Variants in USP43 observed in about 807,000 individuals in gnomAD.
USP43 encodes the protein ubiquitin carboxyl-terminal hydrolase 43.
USP43 carries 33 observed loss-of-function variants against 90.7 expected under a neutral mutation model. The observed-to-expected ratio is 0.36, with a 90% CI of 0.28 to 0.49. The LOEUF (loss-of-function observed/expected upper bound fraction) is 0.49, where lower values mean the gene tolerates loss of function less well. Ranked by LOEUF, USP43 falls within the 20% of genes least tolerant of loss-of-function variation. The pLI is 0.98. For synonymous variants in USP43, 598 were observed against 615.8 expected, an observed-to-expected ratio of 0.97 and a Z score of 0.43; for missense variants, 1,274 against 1,476.4, an observed-to-expected ratio of 0.86 and a Z score of 2.25.
At chr17:9,672,560 AGT>A (rs1913509726) in intron 3 of USP43, among the ~76,000 whole-genome samples, 2 of 152,224 alleles carry the variant, frequency 1.3e-5, no homozygotes, top group African/African-American at 4.8e-5. Flanking sequence ...CAATGACCCA[AGT>A]ATATCCTTCA....
intron 9 of USP43, among the ~76,000 whole-genome samples, chr17:9,694,211 G>A (rs897738751): frequency 6.6e-6 from 1 of 152,182 alleles, no homozygotes; most frequent in African/African-American, 2.4e-5. Context: ...TGACTGAGAT[G>A]GGCCTTTCCC....
chr17:9,714,728 C>T (rs966556332), intron 14 of USP43, among the ~76,000 whole-genome samples: 1 of 150,376 alleles, frequency 6.6e-6, no homozygotes, highest in African/African-American at 2.5e-5. Flanking sequence ...AACCTGGGGG[C>T]TCTCCAACAT....
At chr17:9,676,666 CTG>C (rs1319916458) in intron 4 of USP43, 78 bp from the exon 5 acceptor site, 1 of 1,517,352 alleles carries the variant, frequency 6.6e-7, no homozygotes, top group Non-Finnish European at 8.9e-7. Context: ...GCCACTGCGC[CTG>C]GCCTTGATCC....
intron 14 of USP43, among the ~76,000 whole-genome samples, chr17:9,719,047 G>C (rs559066625): frequency 6.6e-6 from 1 of 152,212 alleles, no homozygotes; most frequent in East Asian, 1.9e-4. Context: ...AGAATCACTT[G>C]AACCCAGTAG....
Position 9,700,079 on chromosome 17 carries a change from A to G in USP43, c.1458-93A>G, listed in dbSNP as rs1187288622. On this transcript the variant is annotated intron_variant, in intron 9 of 14. Transcript: ENST00000285199. The stretch of plus-strand genomic sequence containing the variant: ...TTTGGGTATTTCTGTTTGGAACATC[A>G]GTCCTTGGGTTGTGGGGGAGACTGC... The G allele has an allele frequency of 8.3e-6, 10 of 1,198,398 alleles. No homozygotes were observed. The East Asian group carries it at 2.6e-4, about 31-fold the overall frequency. The allele number at this position is 1,198,398 out of a possible 1,614,324, so 74.2% of individuals were successfully genotyped here.
intron 9 of USP43, among the ~76,000 whole-genome samples, chr17:9,699,366 C>T (rs532655441): frequency 8.8e-4 from 134 of 152,338 alleles, no homozygotes; most frequent in Non-Finnish European, 1.5e-3. Flanking sequence ...TCCTGGCTCA[C>T]GCAGGAAGGT....
At chr17:9,652,329 G>C (rs1249875049) in intron 1 of USP43, among the ~76,000 whole-genome samples, 1 of 151,234 alleles carries the variant, frequency 6.6e-6, no homozygotes, top group Non-Finnish European at 1.5e-5. Flanking sequence ...GCTTTGTGCA[G>C]TTCTAGTTAT....
chr17:9,671,382 G>A (rs901346742), intron 3 of USP43, among the ~76,000 whole-genome samples: 3 of 152,118 alleles, frequency 2.0e-5, no homozygotes, highest in East Asian at 1.9e-4. Flanking sequence ...AACAGATCTT[G>A]GAAAGGTGAG....
At chr17:9,713,203 C>T (rs547549440) in intron 14 of USP43, among the ~76,000 whole-genome samples, 2 of 152,248 alleles carry the variant, frequency 1.3e-5, no homozygotes, top group South Asian at 4.1e-4. Context: ...ATACTCCTTC[C>T]TCAGCCTCTA....
At chr17:9,663,257 C>T (rs567299062) in intron 2 of USP43, among the ~76,000 whole-genome samples, 1 of 151,040 alleles carries the variant, frequency 6.6e-6, no homozygotes, top group African/African-American at 2.4e-5. Context: ...TCAGAGCAGT[C>T]GAGTAACTTG....
chr17:9,676,719 A>G, intron 4 of USP43, 27 bp from the exon 5 acceptor site: 2 of 1,606,938 alleles, frequency 1.2e-6, no homozygotes, highest in Non-Finnish European at 1.7e-6. Context: ...CAGTCCTTTA[A>G]GGGTGTTGCC....
intron 3 of USP43, among the ~76,000 whole-genome samples, chr17:9,670,039 C>CTTTTTTTTTTTTTTT (rs148536442): frequency 7.6e-6 from 1 of 131,556 alleles, no homozygotes; most frequent in Non-Finnish European, 1.6e-5. Flanking sequence ...GAGGTGACTG[C>CTTTTTTTTTTTTTTT]TTTTTTTTTT....
chr17:9,667,864 T>C (rs1207270437), intron 3 of USP43, among the ~76,000 whole-genome samples: 1 of 152,190 alleles, frequency 6.6e-6, no homozygotes, highest in South Asian at 2.1e-4. Flanking sequence ...TGTGTGTGTC[T>C]ATATATATTT....
At chr17:9,665,877 C>T (rs1429566333) in intron 2 of USP43, among the ~76,000 whole-genome samples, 1 of 152,118 alleles carries the variant, frequency 6.6e-6, no homozygotes, top group South Asian at 2.1e-4. Context: ...CCAAGGAATG[C>T]CGGCAGCCAC....
chr17:9,702,874 G>T (rs1318714018), intron 12 of USP43, among the ~76,000 whole-genome samples: 1 of 152,190 alleles, frequency 6.6e-6, no homozygotes, highest in Admixed American at 6.5e-5. Context: ...TGCAGTTACA[G>T]GCTGGGGACC....
chr17:9,715,428 G>A (rs1916445798), intron 14 of USP43, among the ~76,000 whole-genome samples: 1 of 152,164 alleles, frequency 6.6e-6, no homozygotes, highest in South Asian at 2.1e-4. Flanking sequence ...ACTCCGGCCT[G>A]GGTGACAGAG....
In USP43 at chr17:9,686,185, C is replaced by T. The variant is rs894534645; in HGVS notation, c.1242-613C>T. ...AGTATTCCGTTGTGTATATAGACCA[C>T]ATTTTCTTTTTCATTTCTTTTCCAT... On this transcript the variant is annotated intron_variant, in intron 7 of 14. Coordinates refer to ENST00000285199, the MANE Select transcript of USP43 (RefSeq NM_153210.5). The surrounding 1 kb of genome is among the most constrained non-coding windows in gnomAD (Gnocchi z 5.5). 2.0e-5 allele frequency among the ~76,000 whole-genome samples: 3 copies of T among 152,142 alleles called. No individual in the cohort carries two copies. Among genetic ancestry groups the T allele is most frequent in the Non-Finnish European group, 1.5e-5 (1 of 68,028 alleles).
rs957088730 is a variant in USP43 at position 9,693,134 on chromosome 17, G to T, written c.1361G>T (p.Gly454Val). Residue 454 changes from glycine (G) to valine (V), a missense_variant, in exon 9 of 15, where the codon GGG (glycine) becomes GTG (valine). This residue lies in a region of USP43 where 253 missense variants were observed against 276.0 expected (regional missense o/e 0.92). Coordinates refer to ENST00000285199, the MANE Select transcript of USP43 (RefSeq NM_153210.5). The stretch of plus-strand genomic sequence containing the variant: ...CTGTTTTTGTCTTCGCAGAACCTGG[G>T]GTCTCTGTTCTCCATCCGTGTTGTG... Reference protein sequence around the residue: ...MKSEAPVQNLGSLFSIRVVGL... With the variant: ...MKSEAPVQNLVSLFSIRVVGL... The T allele has an allele frequency of 4.3e-6, 7 of 1,613,262 alleles. No homozygotes were observed. The African/African-American group carries it at 8.0e-5, about 18-fold the overall frequency.
At position 9,686,984 on chromosome 17, in the gene USP43, G is replaced by C; in HGVS notation, c.1353+75G>C. 1 of 1,362,574 alleles carries C rather than the reference G, an allele frequency of 7.3e-7. No homozygotes were observed. Among genetic ancestry groups the C allele is most frequent in the Non-Finnish European group, 1.0e-6 (1 of 979,570 alleles). The allele number at this position is 1,362,574 out of a possible 1,614,324, so 84.4% of individuals were successfully genotyped here. ...ATGCGTGTGTGTGGGTGTGTGTATT[G>C]GGAGGGGTGGAATTTAGTGTAGCCC... On this transcript the variant is annotated intron_variant, in intron 8 of 14. Coordinates refer to ENST00000285199, the MANE Select transcript of USP43 (RefSeq NM_153210.5). The surrounding 1 kb of genome is among the most constrained non-coding windows in gnomAD (Gnocchi z 5.5).
Sources: gnomAD v4.1 joint callset for allele counts (sites outside exome capture counted in the v4.1 genomes callset) on GRCh38, gnomAD v4.1.1 for gene constraint, gnomAD v4.1.1 regional missense constraint, Gnocchi (gnomAD v3.1) non-coding constraint, MANE v1.5 for transcripts, NCBI Gene and HGNC (gene_info 2026-07-23, HGNC 2026-07-21) for gene names.